PDE1C: variants seen among roughly 807,000 people sequenced by gnomAD.
The protein encoded by PDE1C is phosphodiesterase 1C.
A neutral mutation model predicts 93.1 loss-of-function variants in PDE1C; 62 were observed. The observed-to-expected ratio is 0.67, with a 90% CI of 0.54 to 0.82. The LOEUF is 0.82. Among genes scored for constraint, PDE1C ranks in the 40% least tolerant of loss-of-function variants. The pLI, the probability that PDE1C is intolerant of heterozygous loss-of-function variation, is 0.00. For synonymous variants in PDE1C, 325 were observed against 310.1 expected (o/e 1.05, Z -0.50); for missense variants, 742 against 884.6 (o/e 0.84, Z 2.04).
intron 1 of PDE1C, among the ~76,000 whole-genome samples, chr7:32,227,090 A>G (rs2128859062): frequency 6.6e-6 from 1 of 152,288 alleles, no homozygotes; most frequent in East Asian, 1.9e-4. Flanking sequence ...TTGCAGTCGC[A>G]CTGCTCACAT....
intron 1 of PDE1C, among the ~76,000 whole-genome samples, chr7:32,054,174 T>C (rs1467009280): frequency 6.6e-6 from 1 of 152,096 alleles, no homozygotes; most frequent in African/African-American, 2.4e-5. Context: ...TTACACACCC[T>C]CTTCTGTGCT....
At chr7:31,876,336 G>A (rs967433593) in intron 5 of PDE1C, among the ~76,000 whole-genome samples, 1 of 152,110 alleles carries the variant, frequency 6.6e-6, no homozygotes, top group Non-Finnish European at 1.5e-5. Flanking sequence ...AATAATCTAA[G>A]TACCTGTCCC....
intron 1 of PDE1C, among the ~76,000 whole-genome samples, chr7:32,346,311 G>A (rs374443371): frequency 2.0e-5 from 3 of 152,240 alleles, no homozygotes; most frequent in African/African-American, 4.8e-5. Flanking sequence ...CCCAGTGCAT[G>A]CCAGCATGGA....
At chr7:31,682,754 A>C in the PDE1C span, among the ~76,000 whole-genome samples, 1 of 152,214 alleles carries the variant, frequency 6.6e-6, no homozygotes, top group African/African-American at 2.4e-5. Context: ...GGGTTAGATA[A>C]ATTGCGGTAC....
chr7:32,409,154 C>G (rs1901200), intron 1 of PDE1C, among the ~76,000 whole-genome samples: 16 of 152,016 alleles, frequency 1.1e-4, no homozygotes, highest in Admixed American at 9.2e-4. Context: ...CCCAGGAGTT[C>G]GAGACCAGCC....
At chr7:32,269,431 AG>A (rs1291958297) in intron 1 of PDE1C, among the ~76,000 whole-genome samples, 2 of 150,446 alleles carry the variant, frequency 1.3e-5, no homozygotes, top group African/African-American at 4.9e-5. Context: ...CAGGGAGTGT[AG>A]GATATATTTT....
chr7:32,202,576 T>C (rs1489629344), intron 2 of PDE1C, among the ~76,000 whole-genome samples: 4 of 152,180 alleles, frequency 2.6e-5, no homozygotes, highest in African/African-American at 9.7e-5. Flanking sequence ...GCTGATCGGC[T>C]TGCCTGATAA....
intron 2 of PDE1C, among the ~76,000 whole-genome samples, chr7:31,973,358 C>T (rs1024788073): frequency 1.8e-4 from 28 of 152,122 alleles, no homozygotes; most frequent in Non-Finnish European, 2.8e-4. Context: ...TAAGAAGCTA[C>T]GAGAATACCA....
intron 1 of PDE1C, among the ~76,000 whole-genome samples, chr7:32,348,045 A>G (rs76939364): frequency 0.016 from 2,361 of 152,296 alleles, 68 homozygotes; most frequent in African/African-American, 0.053. Flanking sequence ...CATCTGATGA[A>G]GGTCACAGAG....
chr7:31,891,942 C>G (rs1583820569), intron 2 of PDE1C, among the ~76,000 whole-genome samples: 2 of 152,030 alleles, frequency 1.3e-5, no homozygotes. Flanking sequence ...AAAATGTTTC[C>G]ATTGGAAGAA....
intron 3 of PDE1C, among the ~76,000 whole-genome samples, chr7:32,107,910 G>A (rs1798414675): frequency 6.6e-6 from 1 of 152,034 alleles, no homozygotes; most frequent in African/African-American, 2.4e-5. Context: ...TCATGAAGCA[G>A]TAGAGTGTTA....
chr7:32,388,388 A>G (rs1784681257), intron 1 of PDE1C, among the ~76,000 whole-genome samples: 1 of 152,198 alleles, frequency 6.6e-6, no homozygotes, highest in Non-Finnish European at 1.5e-5. Flanking sequence ...ACTGATTTTT[A>G]TGGACCACAT....
Position 32,312,445 on chromosome 7 carries a change from C to A in PDE1C, c.311-102906G>T, listed in dbSNP as rs1175162571. Among the ~76,000 whole-genome samples, 10 of 152,234 alleles carry A rather than the reference C, an allele frequency of 6.6e-5. No homozygotes were observed. The East Asian group carries it at 1.7e-3, about 26-fold the overall frequency. On this transcript the variant is annotated intron_variant, in intron 1 of 1. Transcript: ENST00000672256. ...GGAACCAAAAAAGAGCCCGCATCGC[C>A]AAGTCAATCCTAAACCAAAAGAACA...
At chr7:31,974,304 CA>C (rs907593150) in intron 2 of PDE1C, among the ~76,000 whole-genome samples, 3 of 152,116 alleles carry the variant, frequency 2.0e-5, no homozygotes, top group Middle Eastern at 3.4e-3. Flanking sequence ...AAGCAAAATA[CA>C]AAAAAATTAG....
At chr7:31,926,415 T>C (rs1803386751) in intron 2 of PDE1C, among the ~76,000 whole-genome samples, 1 of 152,224 alleles carries the variant, frequency 6.6e-6, no homozygotes, top group Non-Finnish European at 1.5e-5. Context: ...GTGCATTAAA[T>C]ATGTGTTGAA....
intron 8 of PDE1C, among the ~76,000 whole-genome samples, chr7:31,849,256 C>G (rs1202587530): frequency 6.6e-6 from 1 of 152,180 alleles, no homozygotes; most frequent in African/African-American, 2.4e-5. Context: ...CGTCTCCAGG[C>G]AAGACCCACA....
chr7:32,304,795 T>A (rs1377713362), intron 1 of PDE1C, among the ~76,000 whole-genome samples: 2 of 152,160 alleles, frequency 1.3e-5, no homozygotes, highest in African/African-American at 4.8e-5. Context: ...TGTAAAAGAC[T>A]TACCCTGGAC....
At chr7:31,917,051 A>G (rs991632475) in intron 2 of PDE1C, among the ~76,000 whole-genome samples, 1 of 152,156 alleles carries the variant, frequency 6.6e-6, no homozygotes, top group African/African-American at 2.4e-5. Context: ...AAGTGGCTCA[A>G]GAAGACCCAG....
chr7:31,668,571 G>T, the PDE1C span, among the ~76,000 whole-genome samples: 1 of 152,002 alleles, frequency 6.6e-6, no homozygotes, highest in Non-Finnish European at 1.5e-5. Flanking sequence ...AACGAAACCA[G>T]CCACAAAAAT....
Sources: allele counts gnomAD v4.1 joint callset (sites outside exome capture counted in the v4.1 genomes callset), GRCh38; gene constraint gnomAD v4.1.1; transcripts MANE v1.5; gene names NCBI Gene and HGNC (gene_info 2026-07-23, HGNC 2026-07-21).